Variants in TRIO observed in about 807,000 individuals in gnomAD.
The protein encoded by TRIO is triple functional domain protein.
TRIO carries 58 observed loss-of-function variants against 351.9 expected under a neutral mutation model. The observed-to-expected ratio is 0.16, with a 90% CI of 0.13 to 0.21. The LOEUF (loss-of-function observed/expected upper bound fraction) is 0.21, where lower values mean the gene tolerates loss of function less well. TRIO is among the 10% of genes least tolerant of loss of function. TRIO has a pLI of 1.00. For synonymous variants in TRIO, 1,758 were observed against 1,595.7 expected (o/e 1.10, Z -2.42); for missense variants, 3,201 against 4,027.8 (o/e 0.79, Z 5.56).
At chr5:14,250,158 G>T (rs543875752) in intron 1 of TRIO, among the ~76,000 whole-genome samples, 2 of 152,340 alleles carry the variant, frequency 1.3e-5, no homozygotes, top group South Asian at 4.1e-4. Flanking sequence ...GCTTTAGCCA[G>T]TGAGCAGTTG....
chr5:14,190,896 A>G (rs1322587822), intron 1 of TRIO, among the ~76,000 whole-genome samples: 1 of 152,222 alleles, frequency 6.6e-6, no homozygotes, highest in African/African-American at 2.4e-5. Flanking sequence ...ACGGATAGCC[A>G]TTTAATCAGT....
rs1162280967 is a variant in TRIO, at chr5:14,488,015, A to G, written c.7387A>G (p.Ser2463Gly). ...TTCGCCGCTGAACTCGCCGCTCTCCAGCGCGGTCCCTTCTCTCGGCAAGGA... is the reference window on the plus strand; with the variant it reads ...TTCGCCGCTGAACTCGCCGCTCTCCGGCGCGGTCCCTTCTCTCGGCAAGGA... Reference protein sequence around the residue: ...AASPLNSPLSSAVPSLGKEPF... With the variant: ...AASPLNSPLSGAVPSLGKEPF... Residue 2463 changes from serine to glycine, a missense_variant, in exon 48 of 57, where the codon AGC (serine) becomes GGC (glycine). By Grantham distance (56) the Ser-to-Gly change is moderately conservative. Transcript: ENST00000344204. 6.3e-7 allele frequency: 1 copy of G among 1,589,542 alleles called. No individual in the cohort carries two copies. The highest frequency in any genetic ancestry group is 8.6e-7 in the Non-Finnish European group (1 of 1,169,342).
At chr5:14,476,778 A>G in intron 40 of TRIO, 116 bp from the exon 41 acceptor site, 1 of 830,060 alleles carries the variant, frequency 1.2e-6, no homozygotes. Context: ...TAGGTGATAG[A>G]GTGACACTCT....
At chr5:14,457,547 C>T (rs902135958) in intron 34 of TRIO, among the ~76,000 whole-genome samples, 10 of 152,072 alleles carry the variant, frequency 6.6e-5, no homozygotes, top group Non-Finnish European at 1.2e-4. Flanking sequence ...TGGGGAATGA[C>T]GTATTTAATT....
chr5:14,201,607 A>C (rs983553316), intron 1 of TRIO, among the ~76,000 whole-genome samples: 1 of 152,184 alleles, frequency 6.6e-6, no homozygotes, highest in Non-Finnish European at 1.5e-5. Context: ...GCTGTGTTCT[A>C]AGATGATCCT....
At chr5:14,370,136 T>TA (rs1744963228) in intron 18 of TRIO, among the ~76,000 whole-genome samples, 1 of 151,654 alleles carries the variant, frequency 6.6e-6, no homozygotes, top group Admixed American at 6.6e-5. Context: ...TTTTTTTTTT[T>TA]AATTCAGCGA....
intron 1 of TRIO, among the ~76,000 whole-genome samples, chr5:14,160,920 A>T (rs1444298404): frequency 2.0e-5 from 3 of 151,692 alleles, no homozygotes; most frequent in Non-Finnish European, 4.4e-5. Context: ...TACATTTATT[A>T]TTTTTTTTGA....
chr5:14,359,673 G>C lies in TRIO; in HGVS notation c.2391+142G>C, dbSNP rs1419900719. 55 of 1,001,858 alleles carry C rather than the reference G, an allele frequency of 5.5e-5. No individual in the cohort carries two copies. The East Asian group carries it at 1.4e-3, about 26-fold the overall frequency. The allele number at this position is 1,001,858 out of a possible 1,614,324, so 62.1% of individuals were successfully genotyped here. The stretch of plus-strand genomic sequence containing the variant: ...CCCTCTGCACCAGGAGGGGGTGTGG[G>C]AGGGAGAGAGGGTCCCTGGAGGCTG... On this transcript the variant is annotated intron_variant, in intron 13 of 56. Coordinates refer to ENST00000344204, the MANE Select transcript of TRIO (RefSeq NM_007118.4).
At chr5:14,182,868 C>G (rs1013767340) in intron 1 of TRIO, among the ~76,000 whole-genome samples, 1 of 65,328 alleles carries the variant, frequency 1.5e-5, no homozygotes, top group Admixed American at 1.4e-4. Context: ...GGAGACCCCC[C>G]CCCCTCCACT....
chr5:14,388,345 C>T (rs1746732250), intron 23 of TRIO, among the ~76,000 whole-genome samples: 1 of 152,158 alleles, frequency 6.6e-6, no homozygotes, highest in Non-Finnish European at 1.5e-5. Flanking sequence ...AGGGCAGCCC[C>T]ACAGCAGAGT....
chr5:14,356,199 T>C (rs542703094), intron 11 of TRIO, among the ~76,000 whole-genome samples: 25 of 152,310 alleles, frequency 1.6e-4, no homozygotes, highest in African/African-American at 5.8e-4. Context: ...AAAAGTATAT[T>C]TTATGTATGT....
In TRIO at chr5:14,378,564, C is replaced by A. The variant is rs370606310; in HGVS notation, c.3447+437C>A. Among the ~76,000 whole-genome samples, 5 of 144,558 alleles carry A rather than the reference C, an allele frequency of 3.5e-5. No individual in the cohort carries two copies. The East Asian group carries it at 8.0e-4, about 23-fold the overall frequency. 94.8% of individuals were successfully genotyped at this position (144,558 alleles called of 152,430 possible). On this transcript the variant is annotated intron_variant, in intron 20 of 56. Transcript: ENST00000344204. ...ACAGAATATCTTTCTTTTTCTGTTT[C>A]TTTTTTTTTTTTGAGACAGAGTTTT...
At chr5:14,406,116 T>C (rs761249459) in intron 32 of TRIO, 126 bp downstream of exon 32, 121 of 1,328,710 alleles carry the variant, frequency 9.1e-5, no homozygotes, top group Non-Finnish European at 1.1e-4. Context: ...TAAACTGCCA[T>C]TTGTGGATAA....
chr5:14,436,331 A>G (rs1751585189), intron 34 of TRIO, among the ~76,000 whole-genome samples: 1 of 152,178 alleles, frequency 6.6e-6, no homozygotes, highest in Non-Finnish European at 1.5e-5. Context: ...TCACAAGTAC[A>G]GCACGGGAAA....
At chr5:14,395,555 C>T (rs1259185751) in intron 28 of TRIO, among the ~76,000 whole-genome samples, 1 of 152,190 alleles carries the variant, frequency 6.6e-6, no homozygotes, top group Non-Finnish European at 1.5e-5. Context: ...GCTCAGTACA[C>T]TGCATTTGTG....
At chr5:14,439,024 T>G (rs774020626) in intron 34 of TRIO, among the ~76,000 whole-genome samples, 6 of 152,074 alleles carry the variant, frequency 3.9e-5, no homozygotes, top group Middle Eastern at 3.2e-3. Context: ...TTTTTTTTGT[T>G]TTTGTTTGTT....
At chr5:14,317,389 C>A (rs896143014) in intron 9 of TRIO, among the ~76,000 whole-genome samples, 2 of 152,122 alleles carry the variant, frequency 1.3e-5, no homozygotes, top group African/African-American at 4.8e-5. Flanking sequence ...TCCTTGCCCC[C>A]AAATAGAGGG....
At chr5:14,426,345 T>C (rs186466267) in intron 34 of TRIO, among the ~76,000 whole-genome samples, 31 of 152,322 alleles carry the variant, frequency 2.0e-4, no homozygotes, top group Admixed American at 1.7e-3. Context: ...CCGTCTCATT[T>C]CATCAAATAC....
intron 21 of TRIO, 96 bp downstream of exon 21, chr5:14,381,348 A>G: frequency 6.9e-7 from 1 of 1,442,100 alleles, no homozygotes; most frequent in Non-Finnish European, 9.2e-7. Flanking sequence ...GGAGAAAAGG[A>G]TGACCCAGTG....
Sources: allele counts gnomAD v4.1 joint callset (sites outside exome capture counted in the v4.1 genomes callset), GRCh38; gene constraint gnomAD v4.1.1; transcripts MANE v1.5; gene names NCBI Gene and HGNC (gene_info 2026-07-23, HGNC 2026-07-21).